Variants in KIAA1549 observed in about 807,000 individuals in gnomAD.
KIAA1549 encodes the protein KIAA1549, also known as UPF0606 protein KIAA1549.
KIAA1549 carries 70 observed loss-of-function variants against 156.4 expected under a neutral mutation model. The ratio of observed to expected loss-of-function variants is 0.45; its 90% CI spans 0.37 to 0.55. KIAA1549 has a LOEUF of 0.55. KIAA1549 is among the 20% of genes least tolerant of loss of function. The pLI, the probability that KIAA1549 is intolerant of heterozygous loss-of-function variation, is 0.00. For missense variants in KIAA1549, 2,428 were observed against 2,540.9 expected (o/e 0.96, Z 0.96); for synonymous variants, 1,103 against 1,066.4 (o/e 1.03, Z -0.67).
chr7:138,926,528 G>A (rs555582714), intron 1 of KIAA1549, among the ~76,000 whole-genome samples: 6 of 152,090 alleles, frequency 3.9e-5, no homozygotes, highest in South Asian at 2.1e-4. Context: ...CAAGTGATCC[G>A]TCTGTCTCGG....
rs193200842 is a variant in KIAA1549, at chr7:138,899,250, C to G, written c.3670-118G>C. The G allele has an allele frequency of 3.4e-3, 3,088 of 899,308 alleles. 12 individuals carry two copies. The highest frequency in any genetic ancestry group is 5.8e-3 in the Admixed American group (278 of 47,614). 55.7% of individuals were successfully genotyped at this position (899,308 alleles called of 1,614,324 possible). A position where few individuals can be genotyped will look rare whatever the true frequency, so the allele number is the denominator to read the frequency against. On this transcript the variant is annotated intron_variant, in intron 8 of 19. Coordinates refer to ENST00000422774, the MANE Select transcript of KIAA1549 (RefSeq NM_001164665.2). ...TTTATTCCAATCCTCATAATAAGCT[C>G]CGTAAGCCATTCAGGGGCCCAGAAT...
chr7:138,889,483 A>C (rs553828503), intron 10 of KIAA1549, among the ~76,000 whole-genome samples: 3 of 152,342 alleles, frequency 2.0e-5, no homozygotes, highest in African/African-American at 7.2e-5. Flanking sequence ...CAGAGTTATA[A>C]ATAAGAATTT....
intron 1 of KIAA1549, among the ~76,000 whole-genome samples, chr7:138,926,236 A>G (rs557772240): frequency 3.3e-5 from 5 of 152,296 alleles, no homozygotes; most frequent in African/African-American, 9.6e-5. Context: ...GCAGTTGATC[A>G]TTAAACCACT....
At chr7:138,941,763 G>A (rs1344702495) in intron 1 of KIAA1549, among the ~76,000 whole-genome samples, 6 of 152,140 alleles carry the variant, frequency 3.9e-5, no homozygotes, top group African/African-American at 1.2e-4. Context: ...AGCAATTAGC[G>A]CTCTGCTGAA....
chr7:138,906,383 G>A (rs1353728198), intron 6 of KIAA1549, among the ~76,000 whole-genome samples: 1 of 152,184 alleles, frequency 6.6e-6, no homozygotes, highest in Admixed American at 6.5e-5. Flanking sequence ...GTTGATCACT[G>A]TAACAAATGG....
At chr7:138,957,485 T>TTCC (rs1372184301) in intron 1 of KIAA1549, among the ~76,000 whole-genome samples, 2 of 125,204 alleles carry the variant, frequency 1.6e-5, no homozygotes, top group Non-Finnish European at 3.3e-5. Flanking sequence ...CTTCTTCCTC[T>TTCC]TCTTCTTTTT....
intron 1 of KIAA1549, among the ~76,000 whole-genome samples, chr7:138,961,070 A>G (rs1288417421): frequency 1.3e-5 from 2 of 152,226 alleles, no homozygotes; most frequent in East Asian, 3.8e-4. Context: ...AGCAGGAGCC[A>G]TCTGTCCTGC....
At position 138,840,196 on chromosome 7, in the gene KIAA1549, G is replaced by C. The variant is rs1340184345; in HGVS notation, c.5535C>G (p.Gly1845=). The C allele has an allele frequency of 1.3e-5, 21 of 1,569,150 alleles. No individual in the cohort carries two copies. The highest frequency in any genetic ancestry group is 1.8e-5 in the Non-Finnish European group (21 of 1,157,096). Residue 1845 remains glycine, a synonymous_variant, in exon 19 of 20, where the codon GGC becomes GGG. Transcript: ENST00000422774. ...AQPVEIPPSR[G]SQYGGPGWPS... The stretch of plus-strand genomic sequence containing the variant: ...GCCAGCCTGGCCCCCCATACTGGCT[G>C]CCTCTGCTTGGCGGGATTTCCACTG...
At position 138,978,658 on chromosome 7, in the gene KIAA1549, C is replaced by G. The variant is rs911281847; in HGVS notation, c.187+2425G>C. ...AAGGAGGAGATAGCTTTCAGACAGC[C>G]ACGGAAGGGAATGCTGCCTCACATA... On this transcript the variant is annotated intron_variant, in intron 1 of 19. Coordinates refer to ENST00000422774, the MANE Select transcript of KIAA1549 (RefSeq NM_001164665.2). 4.6e-5 allele frequency among the ~76,000 whole-genome samples: 7 copies of G among 152,242 alleles called. No individual in the cohort carries two copies. The East Asian group carries it at 1.3e-3, about 29-fold the overall frequency.
At chr7:138,858,541 A>C (rs1462766976) in intron 16 of KIAA1549, among the ~76,000 whole-genome samples, 1 of 152,082 alleles carries the variant, frequency 6.6e-6, no homozygotes, top group Non-Finnish European at 1.5e-5. Context: ...TTGGGTTTAG[A>C]TGTTATGGTT....
rs377269007 is a variant in KIAA1549, at chr7:138,852,613, G to A, written c.5248-344C>T. Among the ~76,000 whole-genome samples the A allele has an allele frequency of 7.9e-5, 12 of 152,284 alleles. No individual in the cohort carries two copies. In the East Asian group the frequency reaches 1.9e-3, roughly 24 times the overall value. On this transcript the variant is annotated intron_variant, in intron 16 of 19. Coordinates refer to ENST00000422774, the MANE Select transcript of KIAA1549 (RefSeq NM_001164665.2). ...GCAAACCTGTATCTTCTGCTAAAAGGCCTCATATCTTTTGCTAAAAGGCAG... is the reference window on the plus strand; with the variant it reads ...GCAAACCTGTATCTTCTGCTAAAAGACCTCATATCTTTTGCTAAAAGGCAG...
chr7:138,922,957 TAAAA>T (rs201338366), intron 1 of KIAA1549, among the ~76,000 whole-genome samples: 10 of 149,506 alleles, frequency 6.7e-5, no homozygotes, highest in Non-Finnish European at 1.3e-4. Context: ...GAGGGTGAAT[TAAAA>T]AAAAAGAAAA....
At position 138,958,280 on chromosome 7, in the gene KIAA1549, G is replaced by A. The variant is rs115903429; in HGVS notation, c.187+22803C>T. Among the ~76,000 whole-genome samples the A allele has an allele frequency of 4.9e-3, 751 of 152,278 alleles. 9 individuals carry two copies. The highest frequency in any genetic ancestry group is 0.018 in the African/African-American group (728 of 41,556). ...GGAACACTCCTTCCACCATGGCACC[G>A]GATCTAGGTGCCACCATCACCCACG... On this transcript the variant is annotated intron_variant, in intron 1 of 19. Coordinates refer to ENST00000422774, the MANE Select transcript of KIAA1549 (RefSeq NM_001164665.2).
chr7:138,875,857 G>A (rs1415580115), intron 12 of KIAA1549, among the ~76,000 whole-genome samples: 1 of 151,360 alleles, frequency 6.6e-6, no homozygotes, highest in Non-Finnish European at 1.5e-5. Flanking sequence ...GTGTGGTGAT[G>A]CAATCACAGA....
intron 1 of KIAA1549, among the ~76,000 whole-genome samples, chr7:138,922,071 T>G (rs1812579755): frequency 6.6e-6 from 1 of 152,198 alleles, no homozygotes; most frequent in Non-Finnish European, 1.5e-5. Flanking sequence ...ACCCTTGAAC[T>G]TGGACTTCTA....
intron 1 of KIAA1549, among the ~76,000 whole-genome samples, chr7:138,978,660 C>T (rs148739643): frequency 2.0e-4 from 30 of 152,292 alleles, no homozygotes; most frequent in African/African-American, 6.0e-4. Flanking sequence ...CAGACAGCCA[C>T]GGAAGGGAAT....
intron 16 of KIAA1549, among the ~76,000 whole-genome samples, chr7:138,855,685 C>G (rs891844512): frequency 6.6e-6 from 1 of 152,142 alleles, no homozygotes; most frequent in Non-Finnish European, 1.5e-5. Context: ...CAATGAAACT[C>G]GAGAACATTA....
intron 16 of KIAA1549, among the ~76,000 whole-genome samples, chr7:138,857,685 G>A (rs78112245): frequency 0.012 from 1,752 of 152,238 alleles, 36 homozygotes; most frequent in African/African-American, 0.04. Context: ...ACATAAACAC[G>A]TAAGACTTTA....
chr7:138,918,336 C>A lies in KIAA1549; in HGVS notation c.1290G>T (p.Gln430His), dbSNP rs954885486. 2 of 1,613,964 alleles carry A rather than the reference C, an allele frequency of 1.2e-6. No homozygotes were observed. The highest frequency in any genetic ancestry group is 1.7e-6 in the Non-Finnish European group (2 of 1,179,894). Residue 430 changes from glutamine to histidine, a missense_variant, in exon 2 of 20, where the codon CAG becomes CAT. Physicochemically the swap from Gln to His is conservative, Grantham distance 24. Around this residue, in one of 5 missense-constraint regions of KIAA1549, gnomAD observed 893 missense variants for 847.9 expected, o/e 1.05. Transcript: ENST00000422774. This position sits in a 1 kb window ranked among gnomAD's most constrained non-coding sequence, Gnocchi z 4.2. Reference protein sequence around the residue: ...WCAACTVPSPQQVLATSLMEK... With the variant: ...WCAACTVPSPHQVLATSLMEK... ...CCATGAGGCTCGTGGCCAGAACTTG[C>A]TGAGGTGAAGGCACAGTGCAGGCCG...
Sources: allele counts gnomAD v4.1 joint callset (sites outside exome capture counted in the v4.1 genomes callset), GRCh38; gene constraint gnomAD v4.1.1; regional missense constraint gnomAD v4.1.1; non-coding constraint Gnocchi (gnomAD v3.1); transcripts MANE v1.5; gene names NCBI Gene and HGNC (gene_info 2026-07-23, HGNC 2026-07-21).